The following DSCAML1 variants were observed in gnomAD, a reference collection of about 807,000 sequenced individuals.
DSCAML1 encodes DS cell adhesion molecule like 1.
In DSCAML1, 38 loss-of-function variants were observed where a neutral mutation model predicts 200.5. The ratio of observed to expected loss-of-function variants is 0.19; its 90% CI spans 0.15 to 0.25. The LOEUF is 0.25. DSCAML1 is among the 10% of genes least tolerant of loss of function. The probability of loss-of-function intolerance (pLI) is 1.00; values close to 1 mark genes in which losing one functional copy is unlikely to be tolerated. For synonymous variants in DSCAML1, 1,215 were observed against 1,165.0 expected (o/e 1.04, Z -0.87); for missense variants, 2,223 against 2,858.8 (o/e 0.78, Z 5.07).
chr11:117,630,144 C>T (rs533480427), intron 3 of DSCAML1, among the ~76,000 whole-genome samples: 2 of 152,314 alleles, frequency 1.3e-5, no homozygotes, highest in South Asian at 4.1e-4. Context: ...CCCCTCCTGC[C>T]CTTCTGTCCC....
intron 14 of DSCAML1, among the ~76,000 whole-genome samples, chr11:117,479,569 T>C (rs909225339): frequency 2.0e-5 from 3 of 152,160 alleles, no homozygotes; most frequent in East Asian, 3.9e-4. Context: ...GGGGTGCCCA[T>C]GGCGCCCCAC....
chr11:117,499,037 C>T (rs1373969171), intron 11 of DSCAML1, among the ~76,000 whole-genome samples: 1 of 152,074 alleles, frequency 6.6e-6, no homozygotes, highest in East Asian at 1.9e-4. Flanking sequence ...CACTGCCATT[C>T]GATGGCTGCC....
intron 3 of DSCAML1, among the ~76,000 whole-genome samples, chr11:117,676,956 C>G (rs907279204): frequency 1.3e-5 from 2 of 152,174 alleles, no homozygotes; most frequent in Non-Finnish European, 2.9e-5. Flanking sequence ...CAGGGGAGGC[C>G]GGGTAGAGAG....
At chr11:117,769,234 T>C in intron 3 of DSCAML1, among the ~76,000 whole-genome samples, 1 of 38,482 alleles carries the variant, frequency 2.6e-5, no homozygotes, top group Non-Finnish European at 4.4e-5. Context: ...GTATATATTA[T>C]ATATTTTATA....
chr11:117,571,303 G>C (rs2050844326), intron 3 of DSCAML1, among the ~76,000 whole-genome samples: 1 of 152,208 alleles, frequency 6.6e-6, no homozygotes, highest in Non-Finnish European at 1.5e-5. Flanking sequence ...CTGAGCAGCT[G>C]TCACTCTTAC....
intron 3 of DSCAML1, among the ~76,000 whole-genome samples, chr11:117,665,855 G>T (rs1275538779): frequency 1.3e-5 from 2 of 152,178 alleles, no homozygotes. Flanking sequence ...AAAAAGGAAA[G>T]AAACAGGGAT....
chr11:117,742,959 G>T (rs1325569403), intron 3 of DSCAML1, among the ~76,000 whole-genome samples: 1 of 152,116 alleles, frequency 6.6e-6, no homozygotes, highest in Non-Finnish European at 1.5e-5. Flanking sequence ...TGTCTCCCAT[G>T]TGTCCCTTCT....
intron 3 of DSCAML1, among the ~76,000 whole-genome samples, chr11:117,581,358 A>G (rs1565804434): frequency 1.3e-5 from 2 of 152,170 alleles, no homozygotes; most frequent in Non-Finnish European, 2.9e-5. Context: ...CACCCATTTT[A>G]GTGTACAATT....
intron 11 of DSCAML1, among the ~76,000 whole-genome samples, chr11:117,490,755 C>T (rs947441111): frequency 6.6e-6 from 1 of 152,226 alleles, no homozygotes; most frequent in Admixed American, 6.5e-5. Flanking sequence ...TGACAACTGG[C>T]CAGCTCCTTT....
chr11:117,610,080 C>T (rs1009723428), intron 3 of DSCAML1, among the ~76,000 whole-genome samples: 11 of 152,282 alleles, frequency 7.2e-5, no homozygotes, highest in Middle Eastern at 6.8e-3. Context: ...CCTGCCCCCT[C>T]GAGGAGGCAC....
At chr11:117,805,356 C>T (rs1267821204) in intron 1 of DSCAML1, among the ~76,000 whole-genome samples, 1 of 152,108 alleles carries the variant, frequency 6.6e-6, no homozygotes, top group Non-Finnish European at 1.5e-5. Context: ...CATTGAAACC[C>T]AGCATCTTTA....
At chr11:117,490,992 T>G (rs1014437929) in intron 11 of DSCAML1, among the ~76,000 whole-genome samples, 13 of 152,196 alleles carry the variant, frequency 8.5e-5, no homozygotes, top group African/African-American at 2.7e-4. Flanking sequence ...CCTCTTTTCC[T>G]CTGGTGATTG....
At position 117,568,460 on chromosome 11, in the gene DSCAML1, T is replaced by C. The variant is rs551313080; in HGVS notation, c.512-35938A>G. 3.6e-3 allele frequency among the ~76,000 whole-genome samples: 552 copies of C among 152,324 alleles called. 4 individuals are homozygous for C. Among genetic ancestry groups the C allele is most frequent in the African/African-American group, 0.011 (462 of 41,558 alleles). On this transcript the variant is annotated intron_variant, in intron 3 of 32. Transcript: ENST00000651296. ...TCCCTGTTTGCAGATGACATGATTG[T>C]ATATCTAGAAAACCTCACTGTCTCA... is the stretch of plus-strand genomic sequence containing the variant.
intron 3 of DSCAML1, among the ~76,000 whole-genome samples, chr11:117,594,172 T>C (rs2051318298): frequency 6.6e-6 from 1 of 151,700 alleles, no homozygotes; most frequent in Non-Finnish European, 1.5e-5. Flanking sequence ...CCAAGGGAGG[T>C]GCACAGATAT....
chr11:117,780,489 T>C lies in DSCAML1; in HGVS notation c.364+4A>G, dbSNP rs1305937018. On this transcript the variant is annotated splice_donor_region_variant and intron_variant, in intron 2 of 32. Transcript: ENST00000651296. This position sits in a 1 kb window ranked among gnomAD's most constrained non-coding sequence, Gnocchi z 4.8. ...ACTGGGGCAGCCAGTGTCTTGTCCCTTACCTGCTTTGACGCGGATGTTGGG... is the reference window on the plus strand; with the variant it reads ...ACTGGGGCAGCCAGTGTCTTGTCCCCTACCTGCTTTGACGCGGATGTTGGG... 1.4e-6 allele frequency: 2 copies of C among 1,446,074 alleles called. No individual in the cohort carries two copies. Among genetic ancestry groups the C allele is most frequent in the South Asian group, 1.6e-5 (1 of 62,596 alleles). 89.6% of individuals were successfully genotyped at this position (1,446,074 alleles called of 1,614,324 possible).
intron 11 of DSCAML1, among the ~76,000 whole-genome samples, chr11:117,499,856 A>C (rs1451124737): frequency 6.6e-6 from 1 of 152,208 alleles, no homozygotes; most frequent in African/African-American, 2.4e-5. Flanking sequence ...TGTGGTCCTG[A>C]AAAGGGTTCC....
At chr11:117,723,573 G>T (rs76628593) in intron 3 of DSCAML1, among the ~76,000 whole-genome samples, 2,301 of 152,280 alleles carry the variant, frequency 0.015, 21 homozygotes, top group East Asian at 0.04. Flanking sequence ...CTGATTTCTG[G>T]TGATTGCCCC....
chr11:117,691,115 C>G (rs1324351410), intron 3 of DSCAML1, among the ~76,000 whole-genome samples: 1 of 152,166 alleles, frequency 6.6e-6, no homozygotes, highest in African/African-American at 2.4e-5. Flanking sequence ...CCCCAGGAAA[C>G]AGCATTTAGG....
chr11:117,480,644 G>C lies in DSCAML1; in HGVS notation c.2657-73C>G. 2 of 1,525,912 alleles carry C rather than the reference G, an allele frequency of 1.3e-6. No homozygotes were observed. The highest frequency in any genetic ancestry group is 1.8e-6 in the Non-Finnish European group (2 of 1,131,190). The allele number at this position is 1,525,912 out of a possible 1,614,324, so 94.5% of individuals were successfully genotyped here. On this transcript the variant is annotated intron_variant, in intron 13 of 32. Transcript: ENST00000651296. This position sits in a 1 kb window ranked among gnomAD's most constrained non-coding sequence, Gnocchi z 4.1. ...GCTTGGCCTCCTGCTTGGCCCTGAGGATTGGCATCACCTGGGTCTAGCCAA... is the reference window on the plus strand; with the variant it reads ...GCTTGGCCTCCTGCTTGGCCCTGAGCATTGGCATCACCTGGGTCTAGCCAA...
Sources: gnomAD v4.1 joint callset for allele counts (sites outside exome capture counted in the v4.1 genomes callset) on GRCh38, gnomAD v4.1.1 for gene constraint, Gnocchi (gnomAD v3.1) non-coding constraint, MANE v1.5 for transcripts, NCBI Gene and HGNC (gene_info 2026-07-23, HGNC 2026-07-21) for gene names.